SVIL: variants seen among roughly 807,000 people sequenced by gnomAD.
The protein encoded by SVIL is archvillin.
In SVIL, 101 loss-of-function variants were observed where a neutral mutation model predicts 240.4. The ratio of observed to expected loss-of-function variants is 0.42; its 90% CI spans 0.36 to 0.50. The LOEUF (loss-of-function observed/expected upper bound fraction) is 0.50. SVIL is among the 20% of genes least tolerant of loss of function. The pLI, the probability that SVIL is intolerant of heterozygous loss-of-function variation, is 0.01. For synonymous variants in SVIL, 999 were observed against 1,100.0 expected, an observed-to-expected ratio of 0.91 and a Z score of 1.82; for missense variants, 2,512 against 2,818.7, an observed-to-expected ratio of 0.89 and a Z score of 2.46.
chr10:29,558,585 T>C (rs192162188), intron 3 of SVIL, among the ~76,000 whole-genome samples: 11 of 152,140 alleles, frequency 7.2e-5, no homozygotes, highest in Admixed American at 2.6e-4. Context: ...TGTACTAACA[T>C]GTAATATAAT....
chr10:29,487,340 C>A (rs3818541), intron 23 of SVIL, 41 bp from the exon 24 acceptor site: 1 of 1,611,888 alleles, frequency 6.2e-7, no homozygotes, highest in Non-Finnish European at 8.5e-7. Context: ...CCAGACAGAA[C>A]GGGGATAGGA....
chr10:29,488,524 TAC>T, intron 23 of SVIL, 75 bp downstream of exon 23: 1 of 1,418,748 alleles, frequency 7.0e-7, no homozygotes, highest in Non-Finnish European at 9.2e-7. Flanking sequence ...GGCAATGAAT[TAC>T]AGAGTCAGGA....
At chr10:29,550,491 C>G (rs192313941) in intron 6 of SVIL, 106 bp downstream of exon 6, 1 of 1,265,090 alleles carries the variant, frequency 7.9e-7, no homozygotes, top group Non-Finnish European at 1.1e-6. Context: ...TCCAATAAGC[C>G]TTGACTTCCA....
intron 12 of SVIL, among the ~76,000 whole-genome samples, chr10:29,527,463 T>C (rs936060241): frequency 6.6e-6 from 1 of 152,200 alleles, no homozygotes; most frequent in Non-Finnish European, 1.5e-5. Context: ...AGTCTGTCTC[T>C]GTCACCAGGC....
intron 31 of SVIL, among the ~76,000 whole-genome samples, 175 bp from the exon 32 acceptor site, chr10:29,470,658 A>G (rs1945467081): frequency 1.3e-5 from 2 of 152,172 alleles, no homozygotes; most frequent in African/African-American, 4.8e-5. Flanking sequence ...GCACTGAGGC[A>G]TCAGGCCTTC....
chr10:29,481,594 G>T lies in SVIL; in HGVS notation c.5090C>A (p.Ala1697Asp), dbSNP rs1257021888. 3.1e-6 allele frequency: 5 copies of T among 1,614,128 alleles called. No individual in the cohort carries two copies. In the East Asian group the frequency reaches 1.1e-4, roughly 36 times the overall value. Residue 1697 changes from alanine (A) to aspartate (D), a missense_variant, in exon 28 of 38, where the codon GCC becomes GAC. Physicochemically the swap from Ala to Asp is moderately radical, Grantham distance 126. This residue lies in a region of SVIL where 797 missense variants were observed against 925.3 expected (regional missense o/e 0.86). Transcript: ENST00000355867. ...TGGTCGCCGGAATACCTTGTGCTGG[G>T]CAAGTTCCCCGGGGTTCTTCTCATT... Reference protein sequence around the residue: ...RSNEKNPGELAQHKEDPRTDV... With the variant: ...RSNEKNPGELDQHKEDPRTDV...
chr10:29,670,646 G>A (rs944264725), intron 2 of SVIL, among the ~76,000 whole-genome samples: 3 of 142,780 alleles, frequency 2.1e-5, no homozygotes, highest in Non-Finnish European at 4.5e-5. Context: ...AAGATTTATA[G>A]GTTCAGGAAA....
At chr10:29,678,274 A>G (rs905690927) in intron 2 of SVIL, among the ~76,000 whole-genome samples, 48 of 151,916 alleles carry the variant, frequency 3.2e-4, no homozygotes, top group African/African-American at 1.1e-3. Flanking sequence ...GTTTTCCTGC[A>G]ACTAGATAGT....
chr10:29,699,117 G>A (rs1259325111), intron 1 of SVIL, among the ~76,000 whole-genome samples: 1 of 152,078 alleles, frequency 6.6e-6, no homozygotes, highest in South Asian at 2.1e-4. Context: ...ACTGCTGTTT[G>A]GTTGCTGTAT....
At chr10:29,719,504 G>A (rs1963845747) in intron 1 of SVIL, among the ~76,000 whole-genome samples, 1 of 152,074 alleles carries the variant, frequency 6.6e-6, no homozygotes, top group Non-Finnish European at 1.5e-5. Flanking sequence ...ATGCAAAAAG[G>A]CAGGAAAATA....
chr10:29,657,400 C>A (rs1959037769), intron 3 of SVIL, among the ~76,000 whole-genome samples: 1 of 152,174 alleles, frequency 6.6e-6, no homozygotes, highest in Admixed American at 6.5e-5. Flanking sequence ...TGAAGAAGGT[C>A]ATTTAACTTT....
In SVIL at chr10:29,485,302, G is replaced by A. The variant is rs551078839; in HGVS notation, c.4780-471C>T. 1.8e-3 allele frequency among the ~76,000 whole-genome samples: 268 copies of A among 152,040 alleles called. 12 individuals are homozygous for A. The South Asian group carries it at 0.055, about 31-fold the overall frequency. On this transcript the variant is annotated intron_variant, in intron 26 of 37. Transcript: ENST00000355867. ...TCCTTAAGGGCAGGGATCAGATCAT[G>A]GTGATACATACAGGAGGGGTTGATT...
intron 25 of SVIL, 78 bp downstream of exon 25, chr10:29,486,332 G>A: frequency 6.3e-7 from 1 of 1,595,682 alleles, no homozygotes; most frequent in Non-Finnish European, 8.5e-7. Flanking sequence ...TATTTACAAT[G>A]TAAAATAGAA....
intron 1 of SVIL, among the ~76,000 whole-genome samples, chr10:29,610,279 A>G (rs1190904211): frequency 6.6e-6 from 1 of 151,878 alleles, no homozygotes; most frequent in African/African-American, 2.4e-5. Flanking sequence ...TACAATCACA[A>G]CAGCCTCTGA....
intron 1 of SVIL, among the ~76,000 whole-genome samples, chr10:29,613,707 T>C (rs1957333179): frequency 1.3e-5 from 2 of 152,190 alleles, no homozygotes; most frequent in African/African-American, 4.8e-5. Context: ...TCCAAACCCA[T>C]GGTGATATGG....
At position 29,555,094 on chromosome 10, in the gene SVIL, G is replaced by T. The variant is rs1401507691; in HGVS notation, c.-36C>A. ...TCTTTCTTCTTTGGTTCAAAGATTT[G>T]TCTTAATTCTGCAACTGGAAGAAAA... On this transcript the variant is annotated 5_prime_UTR_variant, in exon 4 of 38. Coordinates refer to ENST00000355867, the MANE Select transcript of SVIL (RefSeq NM_021738.3). The T allele has an allele frequency of 6.2e-7, 1 of 1,608,824 alleles. No homozygotes were observed. Among genetic ancestry groups the T allele is most frequent in the South Asian group, 1.1e-5 (1 of 90,426 alleles).
In SVIL at chr10:29,526,983, T is replaced by C; in HGVS notation, c.2320A>G (p.Arg774Gly). 6.2e-7 allele frequency: 1 copy of C among 1,609,566 alleles called. No homozygotes were observed. Among genetic ancestry groups the C allele is most frequent in the Non-Finnish European group, 8.5e-7 (1 of 1,178,414 alleles). The change falls in exon 13 of 38, where the codon AGG becomes GGG. Residue 774 changes from arginine (R) to glycine (G), a missense_variant. Around this residue, in one of 3 missense-constraint regions of SVIL, gnomAD observed 1,443 missense variants for 1,486.6 expected, o/e 0.97. Transcript: ENST00000355867. ...TACCTGGCAGGCTGCACAGCGCTCCTAGCTACAGTGGGGCTAGGAAGTCTC... is the reference window on the plus strand; with the variant it reads ...TACCTGGCAGGCTGCACAGCGCTCCCAGCTACAGTGGGGCTAGGAAGTCTC... ...MARLPSPTVA[R>G]SAVQPARLQA... is the part of the protein sequence containing the mutation.
intron 13 of SVIL, 63 bp from the exon 14 acceptor site, chr10:29,524,778 T>C: frequency 1.3e-6 from 2 of 1,591,444 alleles, no homozygotes; most frequent in Non-Finnish European, 1.7e-6. Context: ...GCTAAGTTTC[T>C]ACGTTAACTT....
At chr10:29,684,955 G>A (rs75288547) in intron 2 of SVIL, among the ~76,000 whole-genome samples, 2,487 of 151,984 alleles carry the variant, frequency 0.016, 73 homozygotes, top group African/African-American at 0.057. Context: ...GGTATTACAC[G>A]TGCAGGTTTA....
Sources: allele counts gnomAD v4.1 joint callset (sites outside exome capture counted in the v4.1 genomes callset), GRCh38; gene constraint gnomAD v4.1.1; regional missense constraint gnomAD v4.1.1; transcripts MANE v1.5; gene names NCBI Gene and HGNC (gene_info 2026-07-23, HGNC 2026-07-21).